Variants in MATR3 observed in about 807,000 individuals in gnomAD.
MATR3 encodes the protein matrin 3.
MATR3 carries 4 observed loss-of-function variants against 85.5 expected under a neutral mutation model. The observed-to-expected ratio is 0.05, with a 90% CI of 0.02 to 0.11. The LOEUF is 0.11. Among genes scored for constraint, MATR3 ranks in the 10% least tolerant of loss-of-function variants. The probability of loss-of-function intolerance (pLI) is 1.00; values close to 1 mark genes in which losing one functional copy is unlikely to be tolerated. For synonymous variants in MATR3, 336 were observed against 343.1 expected (o/e 0.98, Z 0.23); for missense variants, 685 against 1,016.1 (o/e 0.67, Z 4.43).
intron 9 of MATR3, among the ~76,000 whole-genome samples, chr5:139,321,600 T>C (rs1755572392): frequency 6.6e-6 from 1 of 152,230 alleles, no homozygotes; most frequent in African/African-American, 2.4e-5. Context: ...CTAGGCAACA[T>C]GGCGAAACTG....
Position 139,308,145 on chromosome 5 carries a change from C to A in MATR3, c.730C>A (p.His244Asn). ...TTTTGGTGAGACCTCGCATAACTAT[C>A]ATAAATTTGACAGTGAGTATGAGAG... ...SFFGETSHNY[H>N]KFDSEYERMG... The change falls in exon 2 of 15, where the codon CAT (histidine) becomes AAT (asparagine). Residue 244 changes from histidine to asparagine, a missense_variant. His to Asn is a moderately conservative substitution (Grantham distance 68). Coordinates refer to ENST00000394805, the MANE Select transcript of MATR3 (RefSeq NM_018834.6). 1 of 1,613,908 alleles carries A rather than the reference C, an allele frequency of 6.2e-7. No individual in the cohort carries two copies. Among genetic ancestry groups the A allele is most frequent in the Non-Finnish European group, 8.5e-7 (1 of 1,179,946 alleles).
At position 139,330,537 on chromosome 5, in the gene MATR3, C is replaced by T. The variant is rs552776841; in HGVS notation, c.*1142C>T. 2.7e-4 allele frequency: 123 copies of T among 453,916 alleles called. 1 individual carries two copies. The highest frequency in any genetic ancestry group is 1.8e-3 in the South Asian group (118 of 64,478). 28.1% of individuals were successfully genotyped at this position (453,916 alleles called of 1,614,324 possible). On this transcript the variant is annotated 3_prime_UTR_variant, in exon 15 of 15. Coordinates refer to ENST00000394805, the MANE Select transcript of MATR3 (RefSeq NM_018834.6). ...ATCTAGAGTGAATTCTAAAGACTGC[C>T]GCTAAAGATCTGAGTTTTAAAAATG...
At chr5:139,298,658 G>A (rs1436523720) in intron 1 of MATR3, among the ~76,000 whole-genome samples, 4 of 152,160 alleles carry the variant, frequency 2.6e-5, no homozygotes, top group African/African-American at 9.7e-5. Context: ...AGAGAGAAAA[G>A]CCTAGGAGTT....
chr5:139,291,624 C>T (rs539880513), upstream of MATR3, among the ~76,000 whole-genome samples: 54 of 152,246 alleles, frequency 3.5e-4, no homozygotes, highest in African/African-American at 1.3e-3. Context: ...CCGCAACCTC[C>T]GCCTCCCGGG....
rs925215463 is a variant in MATR3, at chr5:139,330,232, T to C, written c.*837T>C. 2 of 454,224 alleles carry C rather than the reference T, an allele frequency of 4.4e-6. No individual in the cohort carries two copies. Among genetic ancestry groups the C allele is most frequent in the African/African-American group, 4.0e-5 (2 of 50,014 alleles). The allele number at this position is 454,224 out of a possible 1,614,324, so 28.1% of individuals were successfully genotyped here. ...ACATTTCTGCATTTTTAAAACAGTT[T>C]GGCCATAATCCTAGATGCACGCTTC... On this transcript the variant is annotated 3_prime_UTR_variant, in exon 15 of 15. Transcript: ENST00000394805.
At chr5:139,312,471 C>G (rs1235103826) in intron 2 of MATR3, 5 of 152,064 alleles carry the variant, frequency 3.3e-5, no homozygotes, top group Non-Finnish European at 4.4e-5. Flanking sequence ...TTTAGATATC[C>G]CAAATAGCTG....
At chr5:139,302,961 T>C (rs1403936084) in intron 1 of MATR3, among the ~76,000 whole-genome samples, 5 of 152,190 alleles carry the variant, frequency 3.3e-5, no homozygotes, top group African/African-American at 1.2e-4. Context: ...ATTATGAAGG[T>C]ATTTTTTTCC....
chr5:139,328,015 CTT>C (rs1178777030), intron 14 of MATR3, among the ~76,000 whole-genome samples: 1 of 151,902 alleles, frequency 6.6e-6, no homozygotes, highest in African/African-American at 2.4e-5. Flanking sequence ...GCGTGTGCCA[CTT>C]CGCCTGGCTA....
In MATR3 at chr5:139,330,213, C is replaced by G. The variant is rs1380064611; in HGVS notation, c.*818C>G. The stretch of plus-strand genomic sequence containing the variant: ...ATTTTCAAGATGTAATTTTACATTT[C>G]TGCATTTTTAAAACAGTTTGGCCAT... On this transcript the variant is annotated 3_prime_UTR_variant, in exon 15 of 15. Transcript: ENST00000394805. 2.2e-6 allele frequency: 1 copy of G among 454,206 alleles called. No homozygotes were observed. The highest frequency in any genetic ancestry group is 2.0e-5 in the African/African-American group (1 of 49,978). 28.1% of individuals were successfully genotyped at this position (454,206 alleles called of 1,614,324 possible).
intron 3 of MATR3, chr5:139,282,640 A>C (rs1056242347): frequency 4.6e-5 from 7 of 152,232 alleles, no homozygotes; most frequent in Non-Finnish European, 7.3e-5. Context: ...TATGGTTGTC[A>C]CAATTAAATG....
At position 139,315,701 on chromosome 5, in the gene MATR3, C is replaced by G. The variant is rs1254554539; in HGVS notation, c.979C>G (p.Pro327Ala). The change falls in exon 4 of 15, where the codon CCA (proline) becomes GCA (alanine). Residue 327 changes from proline to alanine, a missense_variant. Transcript: ENST00000394805. ...RRCQLLLEIY[P>A]EWNPDNDTGH... The stretch of plus-strand genomic sequence containing the variant: ...AATTTTCTGGTCTTTTTAAAGCTAC[C>G]CAGAATGGAATCCTGACAATGATAC... 1.2e-6 allele frequency: 2 copies of G among 1,610,050 alleles called. No individual in the cohort carries two copies. Among genetic ancestry groups the G allele is most frequent in the South Asian group, 1.1e-5 (1 of 90,922 alleles).
At chr5:139,309,615 GGTTT>G (rs1754870764) in intron 2 of MATR3, among the ~76,000 whole-genome samples, 1 of 151,788 alleles carries the variant, frequency 6.6e-6, no homozygotes, top group Non-Finnish European at 1.5e-5. Flanking sequence ...GCTAAATTTA[GGTTT>G]ATTTAAACAT....
chr5:139,315,959 T>TA (rs1755220331), intron 4 of MATR3, 117 bp from the exon 5 acceptor site: 1 of 854,706 alleles, frequency 1.2e-6, no homozygotes, highest in Admixed American at 1.8e-5. Flanking sequence ...ACTTCACAGA[T>TA]ACTCTGAAAG....
At chr5:139,294,997 G>A (rs944399988) in intron 1 of MATR3, 7 of 152,140 alleles carry the variant, frequency 4.6e-5, no homozygotes, top group African/African-American at 1.7e-4. Context: ...TGATTTCGTA[G>A]GTAGGGGTCA....
At chr5:139,295,957 G>A (rs1450735321) in intron 1 of MATR3, among the ~76,000 whole-genome samples, 1 of 152,116 alleles carries the variant, frequency 6.6e-6, no homozygotes, top group African/African-American at 2.4e-5. Context: ...CTGGGTAGCT[G>A]AGATCACAGG....
chr5:139,275,409 T>G (rs1454207998), intron 1 of MATR3, among the ~76,000 whole-genome samples: 3 of 152,100 alleles, frequency 2.0e-5, no homozygotes, highest in Non-Finnish European at 4.4e-5. Context: ...GTTTTTATTG[T>G]CCTTCAGGAA....
intron 1 of MATR3, among the ~76,000 whole-genome samples, chr5:139,298,524 G>A (rs981023908): frequency 2.0e-5 from 3 of 152,178 alleles, no homozygotes; most frequent in African/African-American, 4.8e-5. Flanking sequence ...AGGCGAGATC[G>A]TGCCACTGCA....
At chr5:139,306,777 C>G (rs1360196114) in intron 1 of MATR3, among the ~76,000 whole-genome samples, 1 of 152,118 alleles carries the variant, frequency 6.6e-6, no homozygotes, top group East Asian at 1.9e-4. Flanking sequence ...TGTGATTTTA[C>G]TTGGTTCTTT....
chr5:139,288,555 T>G (rs1247790110), intron 3 of MATR3, among the ~76,000 whole-genome samples: 2 of 152,176 alleles, frequency 1.3e-5, no homozygotes, highest in African/African-American at 4.8e-5. Context: ...AGCTTTTGAG[T>G]GGAAGACTCA....
Sources: gnomAD v4.1 joint callset for allele counts (sites outside exome capture counted in the v4.1 genomes callset) on GRCh38, gnomAD v4.1.1 for gene constraint, MANE v1.5 for transcripts, NCBI Gene and HGNC (gene_info 2026-07-23, HGNC 2026-07-21) for gene names.